Variants in BDNF observed in about 807,000 individuals in gnomAD.
BDNF encodes brain derived neurotrophic factor.
In BDNF, 1 loss-of-function variant was observed where a neutral mutation model predicts 19.5. The ratio of observed to expected loss-of-function variants is 0.05; its 90% CI spans 0.02 to 0.24. The LOEUF (loss-of-function observed/expected upper bound fraction) is 0.24, where lower values mean the gene tolerates loss of function less well. Among genes scored for constraint, BDNF ranks in the 10% least tolerant of loss-of-function variants. BDNF has a pLI of 1.00. For synonymous variants in BDNF, 100 were observed against 121.6 expected, an observed-to-expected ratio of 0.82 and a Z score of 1.17; for missense variants, 195 against 317.6, an observed-to-expected ratio of 0.61 and a Z score of 2.93.
intron 1 of BDNF, among the ~76,000 whole-genome samples, chr11:27,694,798 G>T (rs1049676232): frequency 1.3e-5 from 2 of 151,878 alleles, no homozygotes; most frequent in Non-Finnish European, 2.9e-5. Context: ...CATTCTTAAA[G>T]GTCTCTCTAC....
intron 1 of BDNF, among the ~76,000 whole-genome samples, chr11:27,707,852 T>A (rs1860171551): frequency 6.6e-6 from 1 of 151,486 alleles, no homozygotes; most frequent in African/African-American, 2.4e-5. Flanking sequence ...GAATGGGGGG[T>A]GGTGTGTGTG....
At position 27,657,038 on chromosome 11, in the gene BDNF, G is replaced by A. The variant is rs1852658349; in HGVS notation, c.*783C>T. On this transcript the variant is annotated 3_prime_UTR_variant, in exon 2 of 2. Transcript: ENST00000356660. This position sits in a 1 kb window ranked among gnomAD's most constrained non-coding sequence, Gnocchi z 5.0. ...ACTCTGACCAACGCCCAAAGAATGA[G>A]CGGGGCCTGGGAGGTGCATCACGGG... 1.0e-6 allele frequency: 1 copy of A among 985,496 alleles called. No individual in the cohort carries two copies. Among genetic ancestry groups the A allele is most frequent in the African/African-American group, 1.7e-5 (1 of 57,350 alleles). The allele number at this position is 985,496 out of a possible 1,614,324, so 61.0% of individuals were successfully genotyped here.
chr11:27,719,656 A>G (rs1860670912), intron 1 of BDNF: 3 of 984,220 alleles, frequency 3.0e-6, no homozygotes, highest in Non-Finnish European at 2.4e-6. Flanking sequence ...AAGAAAACCC[A>G]GAAAGAAGCA....
At chr11:27,717,367 C>T (rs1402643905) in intron 1 of BDNF, among the ~76,000 whole-genome samples, 1 of 152,168 alleles carries the variant, frequency 6.6e-6, no homozygotes, top group Non-Finnish European at 1.5e-5. Context: ...AAGAGAATGT[C>T]ATAATGATAC....
intron 1 of BDNF, among the ~76,000 whole-genome samples, chr11:27,665,981 C>T (rs1854242349): frequency 6.6e-6 from 1 of 152,216 alleles, no homozygotes; most frequent in African/African-American, 2.4e-5. Flanking sequence ...CAAGTGGGTT[C>T]CTGACCCCTG....
intron 1 of BDNF, among the ~76,000 whole-genome samples, chr11:27,684,177 G>A (rs1364302009): frequency 6.6e-6 from 1 of 152,088 alleles, no homozygotes; most frequent in Non-Finnish European, 1.5e-5. Flanking sequence ...ATTGTGAATG[G>A]GAGTTCACTC....
At chr11:27,701,518 A>T, upstream of BDNF, 1 of 988,246 alleles carries the variant, frequency 1.0e-6, no homozygotes, top group African/African-American at 1.7e-5. Context: ...TAATACTCGC[A>T]CCCCATCAGC....
intron 1 of BDNF, among the ~76,000 whole-genome samples, chr11:27,712,773 C>G (rs1402608524): frequency 6.6e-6 from 1 of 151,540 alleles, no homozygotes; most frequent in Non-Finnish European, 1.5e-5. Flanking sequence ...CCTTGGCCTC[C>G]CAAAGTGCTG....
chr11:27,674,298 G>A (rs976335855), intron 1 of BDNF: 104 of 1,552,662 alleles, frequency 6.7e-5, no homozygotes, highest in Non-Finnish European at 8.5e-5. Flanking sequence ...GTTGTCCTTC[G>A]GGTTATTTTT....
At chr11:27,670,167 T>C (rs1298650191) in intron 1 of BDNF, among the ~76,000 whole-genome samples, 2 of 152,028 alleles carry the variant, frequency 1.3e-5, no homozygotes, top group South Asian at 2.1e-4. Flanking sequence ...GAAAGGATTC[T>C]CTATTTAATA....
At chr11:27,717,162 G>A (rs997859007) in intron 1 of BDNF, among the ~76,000 whole-genome samples, 2 of 151,766 alleles carry the variant, frequency 1.3e-5, no homozygotes, top group African/African-American at 4.8e-5. Flanking sequence ...GAAAGGGGAA[G>A]CTTATTTATG....
intron 1 of BDNF, among the ~76,000 whole-genome samples, chr11:27,718,357 C>CT (rs957323364): frequency 3.5e-5 from 5 of 142,974 alleles, no homozygotes; most frequent in South Asian, 2.8e-4. Flanking sequence ...GCACACCACC[C>CT]CCCCCCGCCC....
intron 1 of BDNF, among the ~76,000 whole-genome samples, chr11:27,664,966 T>C (rs1240158325): frequency 6.6e-6 from 1 of 152,206 alleles, no homozygotes; most frequent in Admixed American, 6.5e-5. Flanking sequence ...CTCAAGCCAC[T>C]TGGATAGCAA....
In BDNF at chr11:27,657,726, AT is replaced by A; in HGVS notation, c.*94del. ...ATTTATACATGCAGTTCATAAAATT[AT>A]TTTTTTCTTAACTGAATAATTTACC... On this transcript the variant is annotated 3_prime_UTR_variant, in exon 2 of 2. Transcript: ENST00000356660. The surrounding 1 kb of genome is among the most constrained non-coding windows in gnomAD (Gnocchi z 5.0). The A allele has an allele frequency of 6.4e-7, 1 of 1,556,982 alleles. No homozygotes were observed. Among genetic ancestry groups the A allele is most frequent in the Non-Finnish European group, 8.6e-7 (1 of 1,158,542 alleles).
At chr11:27,701,067 A>G (rs1330290149), upstream of BDNF, 1 of 1,343,930 alleles carries the variant, frequency 7.4e-7, no homozygotes, top group Non-Finnish European at 9.9e-7. Flanking sequence ...GCTGCCTTAA[A>G]CACGCCGGCT....
intron 1 of BDNF, among the ~76,000 whole-genome samples, chr11:27,682,703 C>A (rs963406858): frequency 6.6e-6 from 1 of 152,100 alleles, no homozygotes; most frequent in African/African-American, 2.4e-5. Flanking sequence ...ATGATGGTTT[C>A]CAGCTTCATC....
intron 1 of BDNF, among the ~76,000 whole-genome samples, chr11:27,673,282 G>A (rs532993029): frequency 4.6e-5 from 7 of 150,854 alleles, no homozygotes; most frequent in African/African-American, 1.5e-4. Context: ...TGATGCAACT[G>A]CATTCATTGT....
intron 1 of BDNF, chr11:27,719,603 G>A: frequency 1.0e-6 from 1 of 985,016 alleles, no homozygotes; most frequent in Non-Finnish European, 1.2e-6. Context: ...CTCTAAGCCA[G>A]CGCCCGAAAC....
At chr11:27,659,655 G>GCACA in intron 1 of BDNF, 1 of 972,450 alleles carries the variant, frequency 1.0e-6, no homozygotes, top group East Asian at 1.3e-4. Context: ...GTGTGCGCGC[G>GCACA]CGCGTGTGCG....
Sources: gnomAD v4.1 joint callset for allele counts (sites outside exome capture counted in the v4.1 genomes callset) on GRCh38, gnomAD v4.1.1 for gene constraint, Gnocchi (gnomAD v3.1) non-coding constraint, MANE v1.5 for transcripts, NCBI Gene and HGNC (gene_info 2026-07-23, HGNC 2026-07-21) for gene names.